ASAP3: variants seen among roughly 807,000 people sequenced by gnomAD.
The protein encoded by ASAP3 is arf-GAP with SH3 domain, ANK repeat and PH domain-containing protein 3.
Under a neutral mutation model 118.2 loss-of-function variants are expected in ASAP3, and 85 were observed. The observed-to-expected ratio is 0.72, with a 90% confidence interval of 0.60 to 0.86. ASAP3 has a LOEUF of 0.86. Among genes scored for constraint, ASAP3 ranks in the 40% least tolerant of loss-of-function variants. The probability of loss-of-function intolerance (pLI) is 0.00; values close to 1 mark genes in which losing one functional copy is unlikely to be tolerated. For synonymous variants in ASAP3, 432 were observed against 477.4 expected (o/e 0.90, Z 1.24); for missense variants, 1,026 against 1,175.0 (o/e 0.87, Z 1.85).
chr1:23,474,214 C>T (rs1457885661), intron 1 of ASAP3, among the ~76,000 whole-genome samples: 2 of 151,746 alleles, frequency 1.3e-5, no homozygotes, highest in Admixed American at 1.3e-4. Context: ...GTGATCCACC[C>T]GCCTTAGTCC....
intron 1 of ASAP3, among the ~76,000 whole-genome samples, chr1:23,480,447 T>C (rs1642272095): frequency 6.6e-6 from 1 of 152,142 alleles, no homozygotes; most frequent in African/African-American, 2.4e-5. Context: ...TCATCTATCC[T>C]TCCACCTGGA....
At chr1:23,451,303 G>A (rs1393466012) in intron 5 of ASAP3, among the ~76,000 whole-genome samples, 176 bp downstream of exon 5, 6 of 152,094 alleles carry the variant, frequency 3.9e-5, no homozygotes, top group Non-Finnish European at 7.4e-5. Context: ...TGGTGGTCTC[G>A]TGGCCCAGTC....
intron 1 of ASAP3, among the ~76,000 whole-genome samples, chr1:23,475,409 T>C (rs1642096619): frequency 6.6e-6 from 1 of 152,200 alleles, no homozygotes; most frequent in Non-Finnish European, 1.5e-5. Flanking sequence ...CTACTGAACA[T>C]TCCCTTTCAG....
intron 17 of ASAP3, chr1:23,435,600 T>C (rs1640608754): frequency 5.3e-6 from 3 of 564,150 alleles, no homozygotes; most frequent in Non-Finnish European, 9.6e-6. Flanking sequence ...TATTAACCCC[T>C]TTTATAGATG....
rs1640336868 is a variant in ASAP3 at position 23,429,154 on chromosome 1, A to C, written c.*702T>G. ...GTCCCTCAAAAGGAGTGACATTCAG[A>C]ATATTTTTATTTAACAGCCAGTACA... On this transcript the variant is annotated 3_prime_UTR_variant, in exon 25 of 25. Transcript: ENST00000336689. 6.6e-6 allele frequency: 1 copy of C among 152,558 alleles called. No homozygotes were observed. The highest frequency in any genetic ancestry group is 1.5e-5 in the Non-Finnish European group (1 of 68,218). The allele number at this position is 152,558 out of a possible 1,614,324, so 9.5% of individuals were successfully genotyped here. A position where few individuals can be genotyped will look rare whatever the true frequency, so the allele number is the denominator to read the frequency against.
intron 5 of ASAP3, among the ~76,000 whole-genome samples, chr1:23,443,027 G>C (rs1374456359): frequency 6.6e-6 from 1 of 152,136 alleles, no homozygotes; most frequent in Non-Finnish European, 1.5e-5. Context: ...ACCATGCAGG[G>C]TCTAATTCAC....
At chr1:23,441,249 T>A in intron 9 of ASAP3, 38 bp from the exon 10 acceptor site, 1 of 1,612,144 alleles carries the variant, frequency 6.2e-7, no homozygotes, top group Non-Finnish European at 8.5e-7. Context: ...TCAGGGCATC[T>A]CAGTGGGAAG....
chr1:23,482,903 G>C (rs1642355670), intron 1 of ASAP3, among the ~76,000 whole-genome samples: 2 of 151,164 alleles, frequency 1.3e-5, no homozygotes, highest in South Asian at 2.1e-4. Flanking sequence ...ATTGAGCCAA[G>C]ATCGCGTCAC....
chr1:23,484,153 C>T lies in ASAP3; in HGVS notation c.-20G>A. 2 of 1,259,076 alleles carry T rather than the reference C, an allele frequency of 1.6e-6. No individual in the cohort carries two copies. Among genetic ancestry groups the T allele is most frequent in the Non-Finnish European group, 2.0e-6 (2 of 1,003,602 alleles). The allele number at this position is 1,259,076 out of a possible 1,614,324, so 78.0% of individuals were successfully genotyped here. A position where few individuals can be genotyped will look rare whatever the true frequency, so the allele number is the denominator to read the frequency against. On this transcript the variant is annotated 5_prime_UTR_variant, in exon 1 of 25. Transcript: ENST00000336689. ...CGGCATGGCGGGCGCGAGCGTGGAG[C>T]TGCCGGAGCGGGGCGCGGGGGGCAC...
At chr1:23,461,232 G>T (rs901346290) in intron 1 of ASAP3, among the ~76,000 whole-genome samples, 10 of 152,130 alleles carry the variant, frequency 6.6e-5, no homozygotes, top group African/African-American at 2.4e-4. Flanking sequence ...GTCAATGTAT[G>T]GTCATTGAAA....
chr1:23,440,868 A>G (rs975592884), intron 10 of ASAP3, among the ~76,000 whole-genome samples: 12 of 151,826 alleles, frequency 7.9e-5, no homozygotes, highest in Non-Finnish European at 1.6e-4. Flanking sequence ...AAAAAAAAAA[A>G]AAAAAAAGTG....
At chr1:23,477,247 C>T (rs554479029) in intron 1 of ASAP3, among the ~76,000 whole-genome samples, 1 of 151,728 alleles carries the variant, frequency 6.6e-6, no homozygotes, top group Non-Finnish European at 1.5e-5. Flanking sequence ...GAACTCCTGA[C>T]CTCCAGTGAT....
chr1:23,434,720 G>C (rs1336819078), intron 17 of ASAP3, 102 bp from the exon 18 acceptor site: 52 of 1,116,976 alleles, frequency 4.7e-5, no homozygotes, highest in Non-Finnish European at 2.6e-6. Context: ...CCCCCCATAG[G>C]AAGCTGCCAG....
chr1:23,457,727 G>C (rs1641433231), intron 1 of ASAP3, among the ~76,000 whole-genome samples: 1 of 152,138 alleles, frequency 6.6e-6, no homozygotes, highest in African/African-American at 2.4e-5. Context: ...TGGCCAGGTT[G>C]GTCTCAAACT....
chr1:23,484,147 G>A lies in ASAP3; in HGVS notation c.-14C>T. The A allele has an allele frequency of 1.6e-6, 2 of 1,261,846 alleles. No homozygotes were observed. Among genetic ancestry groups the A allele is most frequent in the South Asian group, 3.0e-5 (1 of 33,350 alleles). 78.2% of individuals were successfully genotyped at this position (1,261,846 alleles called of 1,614,324 possible). ...CTGCTCCGGCATGGCGGGCGCGAGC[G>A]TGGAGCTGCCGGAGCGGGGCGCGGG... On this transcript the variant is annotated 5_prime_UTR_variant, in exon 1 of 25. The change creates a new upstream start codon in the 5' untranslated region. Coordinates refer to ENST00000336689, the MANE Select transcript of ASAP3 (RefSeq NM_017707.4).
intron 1 of ASAP3, among the ~76,000 whole-genome samples, chr1:23,458,697 A>C (rs1409058061): frequency 6.6e-6 from 1 of 152,120 alleles, no homozygotes; most frequent in African/African-American, 2.4e-5. Context: ...TGGCCAACAG[A>C]AAAAGAAAAA....
intron 1 of ASAP3, among the ~76,000 whole-genome samples, chr1:23,473,317 G>C (rs976061761): frequency 4.6e-5 from 7 of 152,176 alleles, no homozygotes; most frequent in African/African-American, 1.7e-4. Context: ...CTCTTTCAAG[G>C]TCTAAAACCA....
chr1:23,454,538 A>C (rs1335341534), intron 3 of ASAP3, among the ~76,000 whole-genome samples: 2 of 152,086 alleles, frequency 1.3e-5, no homozygotes, highest in African/African-American at 4.8e-5. Context: ...AGGCTGGTCT[A>C]GAGCTTCTGG....
Position 23,434,587 on chromosome 1 carries a change from A to G in ASAP3, c.1781T>C (p.Val594Ala). Residue 594 changes from valine (V) to alanine (A), a missense_variant, in exon 18 of 25, where the codon GTC becomes GCC. Physicochemically the swap from Val to Ala is moderately conservative, Grantham distance 64 (BLOSUM62 0). Coordinates refer to ENST00000336689, the MANE Select transcript of ASAP3 (RefSeq NM_017707.4). Reference protein sequence around the residue: ...APEELVLHLAVKVANQASLPL... With the variant: ...APEELVLHLAAKVANQASLPL... ...CAGGGAAGCCTGGTTGGCGACTTTG[A>G]CAGCCAAATGCAAGACGAGTTCTTC... 1 of 1,614,086 alleles carries G rather than the reference A, an allele frequency of 6.2e-7. No individual in the cohort carries two copies. The highest frequency in any genetic ancestry group is 8.5e-7 in the Non-Finnish European group (1 of 1,180,006).
Sources: gnomAD v4.1 joint callset for allele counts (sites outside exome capture counted in the v4.1 genomes callset) on GRCh38, gnomAD v4.1.1 for gene constraint, MANE v1.5 for transcripts, NCBI Gene and HGNC (gene_info 2026-07-23, HGNC 2026-07-21) for gene names.